TTC7A: variants seen among roughly 807,000 people sequenced by gnomAD.
The protein encoded by TTC7A is tetratricopeptide repeat protein 7A.
In TTC7A, 110 loss-of-function variants were observed where a neutral mutation model predicts 103.7. The observed-to-expected ratio is 1.06, with a 90% CI of 0.91 to 1.24. TTC7A has a LOEUF of 1.24. TTC7A is among the 50% of genes most tolerant of loss of function. The pLI is 0.00. For missense variants in TTC7A, 1,340 were observed against 1,116.3 expected, an observed-to-expected ratio of 1.20 and a Z score of -2.86; for synonymous variants, 521 against 467.9, an observed-to-expected ratio of 1.11 and a Z score of -1.47.
intron 2 of TTC7A, among the ~76,000 whole-genome samples, chr2:46,924,206 T>TA (rs34177384): frequency 0.025 from 3,225 of 128,584 alleles, 35 homozygotes; most frequent in Middle Eastern, 0.038. Flanking sequence ...CCTGTCTCTT[T>TA]AAAAAAAAAA....
chr2:46,970,782 C>G (rs954373572), intron 3 of TTC7A, among the ~76,000 whole-genome samples: 1 of 152,222 alleles, frequency 6.6e-6, no homozygotes, highest in Non-Finnish European at 1.5e-5. Context: ...TCCTCTTCCC[C>G]CTTTAGTCCT....
chr2:46,949,610 T>A (rs1182505189), intron 1 of TTC7A, among the ~76,000 whole-genome samples: 2 of 152,180 alleles, frequency 1.3e-5, no homozygotes, highest in Non-Finnish European at 2.9e-5. Flanking sequence ...ATACCCTATA[T>A]GTGAGAGAAC....
intron 2 of TTC7A, among the ~76,000 whole-genome samples, chr2:46,922,657 T>C (rs1317647358): frequency 1.3e-5 from 2 of 151,934 alleles, no homozygotes; most frequent in Non-Finnish European, 2.9e-5. Flanking sequence ...GTGTGAGAGG[T>C]AGAAACCACT....
At chr2:47,053,512 C>T (rs1441518338) in intron 18 of TTC7A, among the ~76,000 whole-genome samples, 2 of 149,350 alleles carry the variant, frequency 1.3e-5, no homozygotes, top group East Asian at 2.0e-4. Flanking sequence ...TTTTGGTGGG[C>T]GGGTTTTTGG....
intron 2 of TTC7A, chr2:46,917,340 CCAT>C (rs939802846): frequency 1.6e-6 from 1 of 607,770 alleles, no homozygotes; most frequent in African/African-American, 1.9e-5. Context: ...AATTCAAGAC[CCAT>C]TCTTCTTTCC....
At position 46,976,682 on chromosome 2, in the gene TTC7A, G is replaced by A. The variant is rs149940947; in HGVS notation, c.648+1579G>A. Among the ~76,000 whole-genome samples, 40 of 152,224 alleles carry A rather than the reference G, an allele frequency of 2.6e-4. No individual in the cohort carries two copies. In the East Asian group the frequency reaches 7.3e-3, roughly 28 times the overall value. On this transcript the variant is annotated intron_variant, in intron 4 of 19. Coordinates refer to ENST00000319190, the MANE Select transcript of TTC7A (RefSeq NM_020458.4). Reference sequence around the variant, plus strand: ...TCTTTGTTGTTGGTGAGGGCGGGGGGCTGCCGTGTATATTATAGGATGTTC... The same window carrying A: ...TCTTTGTTGTTGGTGAGGGCGGGGGACTGCCGTGTATATTATAGGATGTTC...
chr2:46,920,169 G>GTA (rs922900764), intron 2 of TTC7A, among the ~76,000 whole-genome samples: 2 of 152,022 alleles, frequency 1.3e-5, no homozygotes, highest in African/African-American at 4.8e-5. Flanking sequence ...TTGGGGGAAG[G>GTA]TATATATATT....
intron 4 of TTC7A, among the ~76,000 whole-genome samples, chr2:46,975,537 C>T (rs572554533): frequency 7.2e-5 from 11 of 151,822 alleles, no homozygotes; most frequent in South Asian, 4.2e-4. Context: ...AAGAGTTGGT[C>T]GGCAGGGCTC....
At chr2:47,072,507 G>A (rs180975899) in intron 19 of TTC7A, among the ~76,000 whole-genome samples, 9 of 152,342 alleles carry the variant, frequency 5.9e-5, no homozygotes, top group Admixed American at 2.6e-4. Context: ...CTTCCCCAGC[G>A]CGTCTCCATA....
At chr2:46,969,424 G>A (rs542299968) in intron 3 of TTC7A, among the ~76,000 whole-genome samples, 567 of 152,072 alleles carry the variant, frequency 3.7e-3, no homozygotes, top group Non-Finnish European at 5.6e-3. Flanking sequence ...GGAGAATGGC[G>A]TGAACCCGGG....
In TTC7A at chr2:47,004,192, C is replaced by T. The variant is rs373180654; in HGVS notation, c.1066-1730C>T. Among the ~76,000 whole-genome samples, 88 of 152,326 alleles carry T rather than the reference C, an allele frequency of 5.8e-4. No individual in the cohort carries two copies. In the South Asian group the frequency reaches 0.014, roughly 25 times the overall value. On this transcript the variant is annotated intron_variant, in intron 8 of 19. Transcript: ENST00000319190. ...TAAGTCCATGGGGGCATGGGCAGCA[C>T]TCACCAACTGTGGCAACAGGGCAGC...
At chr2:46,989,422 T>C (rs1303327848) in intron 5 of TTC7A, among the ~76,000 whole-genome samples, 1 of 152,194 alleles carries the variant, frequency 6.6e-6, no homozygotes, top group Non-Finnish European at 1.5e-5. Context: ...AAGCCCCAGC[T>C]CCACCTGGCA....
chr2:47,049,876 G>C, intron 16 of TTC7A, 73 bp from the exon 17 acceptor site: 2 of 1,123,536 alleles, frequency 1.8e-6, no homozygotes, highest in East Asian at 2.4e-5. Flanking sequence ...TGTGATGCTG[G>C]CCCTCTACCT....
At chr2:46,989,973 A>C (rs1675451159) in intron 5 of TTC7A, among the ~76,000 whole-genome samples, 1 of 152,162 alleles carries the variant, frequency 6.6e-6, no homozygotes, top group Non-Finnish European at 1.5e-5. Context: ...CAGAGAGAGG[A>C]CAGTCCTTGC....
At chr2:46,962,503 T>A (rs12712981) in intron 3 of TTC7A, among the ~76,000 whole-genome samples, 1 of 152,026 alleles carries the variant, frequency 6.6e-6, no homozygotes. Context: ...AAACACCTGC[T>A]GGGAATGCCA....
Position 47,021,845 on chromosome 2 carries a change from GTC to G in TTC7A, c.1393-12_1393-11del, listed in dbSNP as rs1315432900. Reference sequence around the variant, plus strand: ...CTCCAACCCCACCTCCATGACCTCTGTCTCTCCTCTTTGCAGCTAGAGGAAGC... The same window carrying G: ...CTCCAACCCCACCTCCATGACCTCTGTCTCCTCTTTGCAGCTAGAGGAAGC... On this transcript the variant is annotated splice_polypyrimidine_tract_variant and intron_variant, in intron 11 of 19. Coordinates refer to ENST00000319190, the MANE Select transcript of TTC7A (RefSeq NM_020458.4). 2 of 1,607,468 alleles carry G rather than the reference GTC, an allele frequency of 1.2e-6. No individual in the cohort carries two copies. The highest frequency in any genetic ancestry group is 1.7e-6 in the Non-Finnish European group (2 of 1,174,024).
At chr2:46,971,979 G>A (rs1011226229) in intron 3 of TTC7A, among the ~76,000 whole-genome samples, 2 of 151,940 alleles carry the variant, frequency 1.3e-5, no homozygotes, top group African/African-American at 2.4e-5. Context: ...AGGGAGGCAG[G>A]GAGGGAGGGA....
intron 15 of TTC7A, among the ~76,000 whole-genome samples, chr2:47,042,831 T>A (rs1017178118): frequency 6.6e-6 from 1 of 152,204 alleles, no homozygotes; most frequent in African/African-American, 2.4e-5. Flanking sequence ...GTTTTTTTAG[T>A]CTCAGAATCC....
At chr2:46,994,644 C>T in intron 7 of TTC7A, 130 bp downstream of exon 7, 1 of 918,380 alleles carries the variant, frequency 1.1e-6, no homozygotes, top group Admixed American at 2.3e-5. Flanking sequence ...AGCCAGCCTC[C>T]TCAGTCTCAG....
Sources: gnomAD v4.1 joint callset for allele counts (sites outside exome capture counted in the v4.1 genomes callset) on GRCh38, gnomAD v4.1.1 for gene constraint, MANE v1.5 for transcripts, NCBI Gene and HGNC (gene_info 2026-07-23, HGNC 2026-07-21) for gene names.